Variants in PRKD1 observed in about 807,000 individuals in gnomAD.
PRKD1 encodes serine/threonine-protein kinase D1.
Under a neutral mutation model 95.9 loss-of-function variants are expected in PRKD1, and 63 were observed. The observed-to-expected ratio is 0.66, with a 90% CI of 0.54 to 0.81. The LOEUF is 0.81. PRKD1 is among the 30% of genes least tolerant of loss of function. The probability of loss-of-function intolerance (pLI) is 0.00; values close to 1 mark genes in which losing one functional copy is unlikely to be tolerated. For missense variants in PRKD1, 1,048 were observed against 1,165.3 expected (o/e 0.90, Z 1.47); for synonymous variants, 425 against 423.1 (o/e 1.00, Z -0.05).
chr14:29,638,445 T>C, intron 6 of PRKD1, 44 bp downstream of exon 6: 1 of 1,601,456 alleles, frequency 6.2e-7, no homozygotes, highest in Non-Finnish European at 8.6e-7. Flanking sequence ...CCACACTCTC[T>C]AATATGGAAG....
chr14:29,715,648 G>GT (rs1361363191), intron 2 of PRKD1, among the ~76,000 whole-genome samples: 1 of 152,064 alleles, frequency 6.6e-6, no homozygotes, highest in East Asian at 1.9e-4. Context: ...AAAACCAAAG[G>GT]TTTTTTCAAA....
intron 13 of PRKD1, among the ~76,000 whole-genome samples, chr14:29,609,740 G>A (rs1436177976): frequency 3.4e-5 from 3 of 88,492 alleles, no homozygotes; most frequent in Non-Finnish European, 2.4e-5. Flanking sequence ...TGTACTTTTA[G>A]TAGAGACAGG....
intron 4 of PRKD1, among the ~76,000 whole-genome samples, chr14:29,655,031 G>A (rs1212768217): frequency 2.0e-5 from 3 of 152,174 alleles, no homozygotes; most frequent in African/African-American, 7.2e-5. Flanking sequence ...TGTACAACTT[G>A]CACAGAAAAT....
intron 1 of PRKD1, among the ~76,000 whole-genome samples, chr14:29,886,305 ATTT>A (rs1893703466): frequency 6.6e-6 from 1 of 152,214 alleles, no homozygotes; most frequent in African/African-American, 2.4e-5. Flanking sequence ...GTGCCCAGGC[ATTT>A]TTAATTCTTA....
intron 16 of PRKD1, among the ~76,000 whole-genome samples, chr14:29,579,663 C>T (rs1892689053): frequency 6.6e-6 from 1 of 152,116 alleles, no homozygotes; most frequent in African/African-American, 2.4e-5. Context: ...GTGACTTCTA[C>T]AGTCTTTTGG....
At chr14:29,882,890 G>A (rs572334803) in intron 1 of PRKD1, among the ~76,000 whole-genome samples, 3 of 151,948 alleles carry the variant, frequency 2.0e-5, no homozygotes, top group Non-Finnish European at 4.4e-5. Flanking sequence ...TGTATACCAC[G>A]TTTTGTTTAG....
At chr14:29,605,169 C>T (rs1893661000) in intron 13 of PRKD1, among the ~76,000 whole-genome samples, 1 of 152,036 alleles carries the variant, frequency 6.6e-6, no homozygotes, top group Non-Finnish European at 1.5e-5. Flanking sequence ...CTGATCTGGC[C>T]TTAGGTCTTC....
chr14:29,577,315 T>G lies in PRKD1; in HGVS notation c.2662A>C (p.Ser888Arg). 1 of 1,613,750 alleles carries G rather than the reference T, an allele frequency of 6.2e-7. No individual in the cohort carries two copies. Among genetic ancestry groups the G allele is most frequent in the Admixed American group, 1.7e-5 (1 of 59,968 alleles). Residue 888 changes from serine (S) to arginine (R), a missense_variant, in exon 18 of 18, where the codon AGT (serine) becomes CGT (arginine). Physicochemically the swap from Ser to Arg is moderately radical, Grantham distance 110. Coordinates refer to ENST00000331968, the MANE Select transcript of PRKD1 (RefSeq NM_002742.3). ...TCAGGAGTGTCACTGTGGCTAGCAC[T>G]TGGATTGATCAGGTGTGTGGGGTAC... is the stretch of plus-strand genomic sequence containing the variant. ...LQYPTHLINP[S>R]ASHSDTPETE...
chr14:29,761,099 C>G (rs758933207), intron 1 of PRKD1, among the ~76,000 whole-genome samples: 1 of 152,164 alleles, frequency 6.6e-6, no homozygotes, highest in Non-Finnish European at 1.5e-5. Flanking sequence ...TACCACTGCA[C>G]TCAGCTAATT....
At chr14:29,733,472 G>A (rs956805705) in intron 1 of PRKD1, among the ~76,000 whole-genome samples, 2 of 152,118 alleles carry the variant, frequency 1.3e-5, no homozygotes, top group African/African-American at 4.8e-5. Context: ...TTCTCATGCT[G>A]CTATAAAGAA....
intron 1 of PRKD1, among the ~76,000 whole-genome samples, chr14:29,836,350 C>G (rs767256773): frequency 5.3e-5 from 8 of 152,064 alleles, no homozygotes; most frequent in Non-Finnish European, 8.8e-5. Flanking sequence ...AATATGATAA[C>G]TGGAAGTAGG....
At chr14:29,896,777 T>C (rs1361764424) in intron 1 of PRKD1, among the ~76,000 whole-genome samples, 2 of 149,438 alleles carry the variant, frequency 1.3e-5, no homozygotes, top group Non-Finnish European at 3.0e-5. Context: ...TCTGTCACCA[T>C]AACCGACATG....
chr14:29,769,081 G>C (rs1315770158), intron 1 of PRKD1, among the ~76,000 whole-genome samples: 1 of 152,104 alleles, frequency 6.6e-6, no homozygotes, highest in Non-Finnish European at 1.5e-5. Flanking sequence ...CAAATACCAG[G>C]AAACGACAGA....
At chr14:29,823,261 A>G (rs1890987895) in intron 1 of PRKD1, among the ~76,000 whole-genome samples, 1 of 152,186 alleles carries the variant, frequency 6.6e-6, no homozygotes, top group African/African-American at 2.4e-5. Context: ...GGTTTGGTTT[A>G]TATTTCAGTG....
At chr14:29,686,145 T>C (rs1211283885) in intron 2 of PRKD1, among the ~76,000 whole-genome samples, 1 of 152,242 alleles carries the variant, frequency 6.6e-6, no homozygotes, top group Non-Finnish European at 1.5e-5. Context: ...GTCCCACTGA[T>C]AGCTTGAAAC....
intron 2 of PRKD1, among the ~76,000 whole-genome samples, chr14:29,685,676 T>C (rs76753413): frequency 6.6e-6 from 1 of 152,274 alleles, no homozygotes; most frequent in East Asian, 1.9e-4. Flanking sequence ...TTTAATATTT[T>C]AGAAAGATGA....
Position 29,577,134 on chromosome 14 carries a change from C to G in PRKD1, c.*104G>C. 8.3e-7 allele frequency: 1 copy of G among 1,201,686 alleles called. No individual in the cohort carries two copies. Among genetic ancestry groups the G allele is most frequent in the Non-Finnish European group, 1.2e-6 (1 of 838,364 alleles). 74.4% of individuals were successfully genotyped at this position (1,201,686 alleles called of 1,614,324 possible). ...GTGCTAACAGTTTAACAGCTTTGTT[C>G]TCATCTGACAGAAAATAATGGCAGT... On this transcript the variant is annotated 3_prime_UTR_variant, in exon 18 of 18. Coordinates refer to ENST00000331968, the MANE Select transcript of PRKD1 (RefSeq NM_002742.3).
At chr14:29,681,309 A>G (rs1293868184) in intron 2 of PRKD1, among the ~76,000 whole-genome samples, 1 of 152,172 alleles carries the variant, frequency 6.6e-6, no homozygotes, top group African/African-American at 2.4e-5. Flanking sequence ...TGTGTCTTTA[A>G]GTGAGCTTCC....
intron 2 of PRKD1, among the ~76,000 whole-genome samples, chr14:29,718,668 C>A (rs1276819646): frequency 6.6e-6 from 1 of 152,130 alleles, no homozygotes; most frequent in Non-Finnish European, 1.5e-5. Context: ...AAGAAAATTG[C>A]AACTGAAGTT....
Sources: allele counts gnomAD v4.1 joint callset (sites outside exome capture counted in the v4.1 genomes callset), GRCh38; gene constraint gnomAD v4.1.1; transcripts MANE v1.5; gene names NCBI Gene and HGNC (gene_info 2026-07-23, HGNC 2026-07-21).